BARD1: variants seen among roughly 807,000 people sequenced by gnomAD.
BARD1 encodes BRCA1 associated RING domain 1, also known as BRCA1-associated RING domain protein 1.
In BARD1, 73 loss-of-function variants were observed where a neutral mutation model predicts 77.0. The ratio of observed to expected loss-of-function variants is 0.95; its 90% CI spans 0.79 to 1.15. BARD1 has a LOEUF of 1.15. Among genes scored for constraint, BARD1 ranks in the 50% most tolerant of loss-of-function variants. The pLI is 0.00. For synonymous variants in BARD1, 384 were observed against 338.0 expected (o/e 1.14, Z -1.49); for missense variants, 993 against 938.8 (o/e 1.06, Z -0.75).
At chr2:214,780,444 C>CAT in intron 4 of BARD1, 116 bp downstream of exon 4, 1 of 892,206 alleles carries the variant, frequency 1.1e-6, no homozygotes. Context: ...GAGGAAGTAT[C>CAT]ATGTCTGTGA....
At chr2:214,795,127 T>C (rs1411756569) in intron 2 of BARD1, among the ~76,000 whole-genome samples, 4 of 152,102 alleles carry the variant, frequency 2.6e-5, no homozygotes, top group Non-Finnish European at 5.9e-5. Flanking sequence ...TGAAACAAAA[T>C]ACATCTGCTT....
intron 4 of BARD1, among the ~76,000 whole-genome samples, chr2:214,771,933 A>G (rs1170109201): frequency 6.6e-6 from 1 of 150,812 alleles, no homozygotes; most frequent in Non-Finnish European, 1.5e-5. Context: ...GGAAAAAAAA[A>G]AAAAAAAAAA....
intron 9 of BARD1, among the ~76,000 whole-genome samples, chr2:214,739,044 G>A (rs1350271817): frequency 6.6e-6 from 1 of 152,100 alleles, no homozygotes; most frequent in Non-Finnish European, 1.5e-5. Context: ...AGCTACTCAG[G>A]AGGCTGAAGC....
At chr2:214,732,660 G>A (rs1227366585) in intron 9 of BARD1, among the ~76,000 whole-genome samples, 1 of 152,158 alleles carries the variant, frequency 6.6e-6, no homozygotes, top group African/African-American at 2.4e-5. Context: ...CTCCCAAAGT[G>A]CTGGGATTAC....
chr2:214,733,239 A>G (rs542048810), intron 9 of BARD1, among the ~76,000 whole-genome samples: 2 of 152,332 alleles, frequency 1.3e-5, no homozygotes, highest in East Asian at 1.9e-4. Context: ...GTTTGAAACC[A>G]CAAGTGTTTT....
intron 3 of BARD1, among the ~76,000 whole-genome samples, chr2:214,787,128 C>A (rs1274992787): frequency 6.6e-6 from 1 of 151,530 alleles, no homozygotes; most frequent in East Asian, 1.9e-4. Flanking sequence ...CATGTTCAAA[C>A]CCTGAGGTTC....
intron 9 of BARD1, among the ~76,000 whole-genome samples, chr2:214,742,186 A>G (rs1485143265): frequency 1.3e-5 from 2 of 152,202 alleles, no homozygotes; most frequent in African/African-American, 4.8e-5. Flanking sequence ...TCATCTTTTA[A>G]TATGAATGGT....
At chr2:214,745,019 CAAA>C in intron 9 of BARD1, 45 bp downstream of exon 9, 1 of 1,525,672 alleles carries the variant, frequency 6.6e-7, no homozygotes, top group Non-Finnish European at 9.1e-7. Context: ...CCATGAAAAA[CAAA>C]ACTAGTCTAA....
chr2:214,746,553 A>G (rs1239939396), intron 7 of BARD1, among the ~76,000 whole-genome samples: 1 of 152,046 alleles, frequency 6.6e-6, no homozygotes, highest in African/African-American at 2.4e-5. Context: ...ACAGCATTAA[A>G]GCTGAGAAGT....
chr2:214,794,184 G>A (rs1261171099), intron 2 of BARD1, among the ~76,000 whole-genome samples: 1 of 152,132 alleles, frequency 6.6e-6, no homozygotes, highest in Non-Finnish European at 1.5e-5. Context: ...CCAAGAAGTT[G>A]AGGCTGTAGT....
chr2:214,805,042 T>A (rs1057217918), intron 1 of BARD1, among the ~76,000 whole-genome samples: 2 of 151,994 alleles, frequency 1.3e-5, no homozygotes, highest in African/African-American at 4.8e-5. Flanking sequence ...TCACCTGTAA[T>A]CCCAGCTACT....
rs1391731036 is a variant in BARD1, at chr2:214,726,906, G to A, written c.*1770C>T. ...GACCTCATAGGTGTCTTTACAATCA[G>A]GAATTCAGATGCAAGGAACAGACAC... On this transcript the variant is annotated 3_prime_UTR_variant, in exon 11 of 11. Coordinates refer to ENST00000260947, the MANE Select transcript of BARD1 (RefSeq NM_000465.4). 1 of 228,804 alleles carries A rather than the reference G, an allele frequency of 4.4e-6. No individual in the cohort carries two copies. The highest frequency in any genetic ancestry group is 6.3e-5 in the East Asian group (1 of 15,972). The allele number at this position is 228,804 out of a possible 1,614,324, so 14.2% of individuals were successfully genotyped here.
chr2:214,777,143 G>A (rs2106099744), intron 4 of BARD1, among the ~76,000 whole-genome samples: 1 of 152,272 alleles, frequency 6.6e-6, no homozygotes, highest in African/African-American at 2.4e-5. Context: ...CAGGTGTACA[G>A]AACTGTAAGA....
chr2:214,730,102 G>A (rs1375146481), intron 10 of BARD1: 5 of 404,866 alleles, frequency 1.2e-5, no homozygotes, highest in Non-Finnish European at 1.4e-5. Flanking sequence ...GAGACATATG[G>A]TAACTAAATC....
intron 1 of BARD1, among the ~76,000 whole-genome samples, chr2:214,808,929 G>A (rs1023028873): frequency 6.6e-6 from 1 of 152,222 alleles, no homozygotes. Flanking sequence ...AAGCTGGCAC[G>A]GAGAAAATGT....
In BARD1 at chr2:214,727,930, C is replaced by A; in HGVS notation, c.*746G>T. 1 of 215,774 alleles carries A rather than the reference C, an allele frequency of 4.6e-6. No homozygotes were observed. The highest frequency in any genetic ancestry group is 9.3e-6 in the Non-Finnish European group (1 of 107,142). 13.4% of individuals were successfully genotyped at this position (215,774 alleles called of 1,614,324 possible). A position where few individuals can be genotyped will look rare whatever the true frequency, so the allele number is the denominator to read the frequency against. On this transcript the variant is annotated 3_prime_UTR_variant, in exon 11 of 11. Coordinates refer to ENST00000260947, the MANE Select transcript of BARD1 (RefSeq NM_000465.4). ...ACATTAAAATGTGTTAGAGAAAATG[C>A]TCTAAGTATATATACACATGTAGTA... is the stretch of plus-strand genomic sequence containing the variant.
At chr2:214,769,444 A>G in intron 4 of BARD1, 132 bp from the exon 5 acceptor site, 1 of 759,820 alleles carries the variant, frequency 1.3e-6, no homozygotes, top group Non-Finnish European at 2.2e-6. Flanking sequence ...ACTGTTCATG[A>G]GTTAATAAAT....
At chr2:214,768,494 C>T (rs776242054) in intron 5 of BARD1, among the ~76,000 whole-genome samples, 2 of 152,140 alleles carry the variant, frequency 1.3e-5, no homozygotes, top group Non-Finnish European at 1.5e-5. Context: ...AGAGTCCAAC[C>T]AGCAAAGCGA....
intron 7 of BARD1, among the ~76,000 whole-genome samples, chr2:214,749,715 T>C (rs564129477): frequency 8.4e-4 from 128 of 152,118 alleles, no homozygotes; most frequent in African/African-American, 3.1e-3. Flanking sequence ...TGGGACTGAA[T>C]TGAGTACCGA....
Sources: gnomAD v4.1 joint callset for allele counts (sites outside exome capture counted in the v4.1 genomes callset) on GRCh38, gnomAD v4.1.1 for gene constraint, MANE v1.5 for transcripts, NCBI Gene and HGNC (gene_info 2026-07-23, HGNC 2026-07-21) for gene names.